Variants in STAT5B observed in about 807,000 individuals in gnomAD.
The protein encoded by STAT5B is transcription factor STAT5B.
In STAT5B, 21 loss-of-function variants were observed where a neutral mutation model predicts 107.8. The ratio of observed to expected loss-of-function variants is 0.19; its 90% CI spans 0.14 to 0.28. STAT5B has a LOEUF of 0.28. STAT5B is among the 10% of genes least tolerant of loss of function. STAT5B has a pLI of 1.00. For synonymous variants in STAT5B, 325 were observed against 401.7 expected, an observed-to-expected ratio of 0.81 and a Z score of 2.28; for missense variants, 565 against 1,008.2, an observed-to-expected ratio of 0.56 and a Z score of 5.95.
At chr17:42,280,800 G>C (rs1277489931), upstream of STAT5B, among the ~76,000 whole-genome samples, 1 of 152,166 alleles carries the variant, frequency 6.6e-6, no homozygotes, top group East Asian at 1.9e-4. Flanking sequence ...AGCATTGGTG[G>C]TGAAAAGTTA....
intron 1 of STAT5B, among the ~76,000 whole-genome samples, chr17:42,249,184 G>T (rs1208043223): frequency 3.3e-5 from 5 of 152,198 alleles, no homozygotes; most frequent in African/African-American, 7.2e-5. Context: ...TTGAGGTCAG[G>T]AGTTTGAGAC....
chr17:42,243,966 G>C (rs1253525989), intron 1 of STAT5B, among the ~76,000 whole-genome samples: 1 of 152,118 alleles, frequency 6.6e-6, no homozygotes, highest in Non-Finnish European at 1.5e-5. Context: ...TCACTTTCCA[G>C]ATGACTAAAA....
intron 1 of STAT5B, chr17:42,270,597 T>G (rs1471365704): frequency 6.6e-6 from 1 of 152,166 alleles, no homozygotes; most frequent in Non-Finnish European, 1.5e-5. Context: ...TATCACCATC[T>G]TCATCAACAT....
chr17:42,213,710 T>C (rs1293249427), intron 12 of STAT5B, among the ~76,000 whole-genome samples: 2 of 149,942 alleles, frequency 1.3e-5, no homozygotes, highest in African/African-American at 2.5e-5. Flanking sequence ...GTATTTTTAG[T>C]AGAGATGAGA....
Position 42,217,177 on chromosome 17 carries a change from G to C in STAT5B, c.1363C>G (p.Leu455Val). The C allele has an allele frequency of 1.2e-6, 2 of 1,613,186 alleles. No homozygotes were observed. Among genetic ancestry groups the C allele is most frequent in the Non-Finnish European group, 1.7e-6 (2 of 1,179,590 alleles). ...GGCTTTACCTTGACTTGAAAAACCA[G>C]CTCATTTCCACCAACACTGAACTGG... ...ESQFSVGGNE[L>V]VFQVKTLSLP... is the part of the protein sequence containing the mutation. Residue 455 changes from leucine (L) to valine (V), a missense_variant, in exon 11 of 19, where the codon CTG (leucine) becomes GTG (valine). This residue lies in a region of STAT5B where 127 missense variants were observed against 215.8 expected (regional missense o/e 0.59). Transcript: ENST00000293328.
chr17:42,252,868 G>A (rs1303507485), intron 1 of STAT5B, among the ~76,000 whole-genome samples: 1 of 152,192 alleles, frequency 6.6e-6, no homozygotes, highest in Non-Finnish European at 1.5e-5. Flanking sequence ...TCCAAAGAAA[G>A]GATCTTCTCT....
intron 5 of STAT5B, among the ~76,000 whole-genome samples, chr17:42,222,678 GA>G (rs1178573001): frequency 6.8e-6 from 1 of 147,690 alleles, no homozygotes; most frequent in African/African-American, 2.6e-5. Context: ...TCCCAGCTTA[GA>G]ATTTTTTTTT....
At chr17:42,217,975 G>C in intron 9 of STAT5B, 176 bp downstream of exon 9, 2 of 1,111,510 alleles carry the variant, frequency 1.8e-6, no homozygotes, top group Non-Finnish European at 2.6e-6. Context: ...TAAAGTGCTT[G>C]GATTACAGGT....
At chr17:42,211,120 G>A (rs915202772) in intron 13 of STAT5B, among the ~76,000 whole-genome samples, 5 of 152,020 alleles carry the variant, frequency 3.3e-5, no homozygotes, top group African/African-American at 1.2e-4. Context: ...AGAATCACTT[G>A]AATCTGGGAG....
At chr17:42,235,755 C>T (rs574846224) in intron 1 of STAT5B, among the ~76,000 whole-genome samples, 2 of 152,294 alleles carry the variant, frequency 1.3e-5, no homozygotes, top group East Asian at 1.9e-4. Flanking sequence ...GGATTACAGG[C>T]GTGAGCCACC....
chr17:42,242,941 G>A (rs1247388990), intron 1 of STAT5B, among the ~76,000 whole-genome samples: 1 of 151,882 alleles, frequency 6.6e-6, no homozygotes, highest in Non-Finnish European at 1.5e-5. Flanking sequence ...CTCCTTAAGA[G>A]TCATCACCAC....
At chr17:42,265,377 C>CTGTTTTTTTTTTTTTTTTTTTTTTTTTTT (rs2080659893) in intron 1 of STAT5B, among the ~76,000 whole-genome samples, 2 of 110,596 alleles carry the variant, frequency 1.8e-5, no homozygotes, top group African/African-American at 3.6e-5. Context: ...ATGTACTCTT[C>CTGTTTTTTTTTTTTTTTTTTTTTTTTTTT]TTTTTTTTTT....
At chr17:42,285,161 C>A in the STAT5B span, among the ~76,000 whole-genome samples, 3 of 151,294 alleles carry the variant, frequency 2.0e-5, no homozygotes, top group East Asian at 5.8e-4. Flanking sequence ...ATGATCTCGG[C>A]TCACTGCAAC....
At chr17:42,253,170 G>A (rs1270643643) in intron 1 of STAT5B, among the ~76,000 whole-genome samples, 2 of 151,992 alleles carry the variant, frequency 1.3e-5, no homozygotes, top group Non-Finnish European at 2.9e-5. Flanking sequence ...TCAACTACAG[G>A]ACAGAATGCC....
At chr17:42,202,016 G>A (rs2080048499) in intron 18 of STAT5B, 152 bp from the exon 19 acceptor site, 1 of 733,074 alleles carries the variant, frequency 1.4e-6, no homozygotes, top group East Asian at 2.7e-5. Context: ...ACAGCTGGCT[G>A]TACAGCAACT....
At chr17:42,262,752 A>ATATG (rs139815589) in intron 1 of STAT5B, among the ~76,000 whole-genome samples, 96 of 138,344 alleles carry the variant, frequency 6.9e-4, no homozygotes, top group African/African-American at 1.7e-3. Flanking sequence ...GTGTATATAT[A>ATATG]TGTGTGTATA....
intron 1 of STAT5B, among the ~76,000 whole-genome samples, chr17:42,263,244 A>G (rs2080634344): frequency 6.6e-6 from 1 of 151,156 alleles, no homozygotes; most frequent in African/African-American, 2.4e-5. Flanking sequence ...AGCACAGGAA[A>G]TAACACAGTC....
Position 42,222,066 on chromosome 17 carries a change from CTGTGTGTGG to C in STAT5B, c.550+1307_550+1315del, listed in dbSNP as rs1430874513. 2.5e-4 allele frequency among the ~76,000 whole-genome samples: 27 copies of C among 109,492 alleles called. No homozygotes were observed. The East Asian group carries it at 6.5e-3, about 27-fold the overall frequency. The allele number at this position is 109,492 out of a possible 152,430, so 71.8% of individuals were successfully genotyped here. A position where few individuals can be genotyped will look rare whatever the true frequency, so the allele number is the denominator to read the frequency against. ...TGTGTGCTGTGTGTCTGTGTGTGTG[CTGTGTGTGG>C]TGTGTGTGTGCTGTGTGTGTGCACT... On this transcript the variant is annotated intron_variant, in intron 5 of 18. Transcript: ENST00000293328.
At chr17:42,249,907 C>G (rs2080483825) in intron 1 of STAT5B, among the ~76,000 whole-genome samples, 1 of 152,098 alleles carries the variant, frequency 6.6e-6, no homozygotes. Context: ...AGCGCTCCAC[C>G]CACCTCGGCC....
Sources: gnomAD v4.1 joint callset for allele counts (sites outside exome capture counted in the v4.1 genomes callset) on GRCh38, gnomAD v4.1.1 for gene constraint, gnomAD v4.1.1 regional missense constraint, MANE v1.5 for transcripts, NCBI Gene and HGNC (gene_info 2026-07-23, HGNC 2026-07-21) for gene names.